The following PRELID2 variants were observed in gnomAD, a reference collection of about 807,000 sequenced individuals.
PRELID2 encodes the protein PRELI domain-containing protein 2.
A neutral mutation model predicts 28.4 loss-of-function variants in PRELID2; 25 were observed. The observed-to-expected ratio is 0.88, with a 90% CI of 0.64 to 1.23. The LOEUF (loss-of-function observed/expected upper bound fraction) is 1.23. Among genes scored for constraint, PRELID2 ranks in the 50% most tolerant of loss-of-function variants. PRELID2 has a pLI of 0.00. For synonymous variants in PRELID2, 76 were observed against 71.6 expected, an observed-to-expected ratio of 1.06 and a Z score of -0.31; for missense variants, 201 against 214.4, an observed-to-expected ratio of 0.94 and a Z score of 0.39.
At chr5:145,675,558 G>A (rs1754797576) in intron 1 of PRELID2, among the ~76,000 whole-genome samples, 1 of 152,148 alleles carries the variant, frequency 6.6e-6, no homozygotes, top group Non-Finnish European at 1.5e-5. Flanking sequence ...AAAGATGTAT[G>A]CAGAAAATTA....
At chr5:145,567,156 A>T (rs1202749349) in intron 1 of PRELID2, among the ~76,000 whole-genome samples, 8 of 152,196 alleles carry the variant, frequency 5.3e-5, no homozygotes, top group Admixed American at 5.2e-4. Flanking sequence ...CATTTCAGAG[A>T]TAAATGCAGG....
intron 1 of PRELID2, among the ~76,000 whole-genome samples, chr5:145,529,751 A>G (rs1050168316): frequency 6.6e-6 from 1 of 151,140 alleles, no homozygotes; most frequent in Admixed American, 6.6e-5. Context: ...GATACAAAAT[A>G]TGTGTCTGCT....
chr5:145,362,246 A>C, the PRELID2 span, among the ~76,000 whole-genome samples: 1 of 152,164 alleles, frequency 6.6e-6, no homozygotes, highest in Non-Finnish European at 1.5e-5. Flanking sequence ...GCCTTTCAAA[A>C]GAAAAATACA....
At chr5:145,649,302 T>G (rs1479232199) in intron 1 of PRELID2, among the ~76,000 whole-genome samples, 1 of 152,136 alleles carries the variant, frequency 6.6e-6, no homozygotes, top group African/African-American at 2.4e-5. Flanking sequence ...AGGGGCGGGA[T>G]CCGGAACCAA....
intron 1 of PRELID2, among the ~76,000 whole-genome samples, chr5:145,649,782 C>A (rs957060032): frequency 1.3e-5 from 2 of 152,198 alleles, no homozygotes; most frequent in African/African-American, 4.8e-5. Flanking sequence ...CAAACTTCTA[C>A]ATCCTGTCTC....
At chr5:145,735,525 T>C (rs143358676) in intron 1 of PRELID2, among the ~76,000 whole-genome samples, 1 of 152,094 alleles carries the variant, frequency 6.6e-6, no homozygotes, top group Non-Finnish European at 1.5e-5. Flanking sequence ...ACTCAAGAAG[T>C]ATACAGATAT....
chr5:145,298,285 G>A, the PRELID2 span, among the ~76,000 whole-genome samples: 110 of 152,178 alleles, frequency 7.2e-4, no homozygotes, highest in African/African-American at 2.6e-3. Context: ...CAGATCAATG[G>A]AACAGAACAG....
At chr5:145,472,390 AAC>A (rs899483496) in intron 2 of PRELID2, among the ~76,000 whole-genome samples, 17 of 152,082 alleles carry the variant, frequency 1.1e-4, no homozygotes, top group African/African-American at 3.6e-4. Context: ...CACAAGAGGA[AAC>A]ACAGCCCCAG....
At chr5:145,450,056 A>T in the PRELID2 span, among the ~76,000 whole-genome samples, 1 of 152,204 alleles carries the variant, frequency 6.6e-6, no homozygotes, top group Admixed American at 6.6e-5. Context: ...TGTCAGAATG[A>T]AGCTGCTGAG....
chr5:145,327,900 A>G, the PRELID2 span, among the ~76,000 whole-genome samples: 5 of 152,102 alleles, frequency 3.3e-5, no homozygotes, highest in African/African-American at 1.2e-4. Context: ...TGTCATCTAC[A>G]TTAGGTATTA....
At chr5:145,680,886 G>T (rs1754919251) in intron 1 of PRELID2, among the ~76,000 whole-genome samples, 2 of 152,168 alleles carry the variant, frequency 1.3e-5, no homozygotes, top group Non-Finnish European at 1.5e-5. Context: ...TGGTTCATGA[G>T]ATGTCATGTT....
the PRELID2 span, among the ~76,000 whole-genome samples, chr5:145,373,784 TATG>T: frequency 5.1e-4 from 40 of 77,862 alleles, 1 homozygote; most frequent in East Asian, 1.5e-3. Context: ...ATATAATATA[TATG>T]ATATAATATA....
intron 1 of PRELID2, among the ~76,000 whole-genome samples, chr5:145,720,027 G>A (rs987648318): frequency 1.3e-5 from 2 of 151,634 alleles, no homozygotes; most frequent in African/African-American, 4.8e-5. Context: ...CATGTGATAA[G>A]AGGAAATGAA....
At chr5:145,374,024 C>A in the PRELID2 span, among the ~76,000 whole-genome samples, 1 of 148,848 alleles carries the variant, frequency 6.7e-6, no homozygotes, top group Non-Finnish European at 1.5e-5. Context: ...ATCCTGTCAC[C>A]ATGATACCAT....
chr5:145,289,823 C>CATT, the PRELID2 span, among the ~76,000 whole-genome samples: 331 of 152,168 alleles, frequency 2.2e-3, 2 homozygotes, highest in African/African-American at 7.7e-3. Context: ...GGCATCTCAT[C>CATT]GTTTTAATTT....
At chr5:145,273,877 G>A in the PRELID2 span, among the ~76,000 whole-genome samples, 1 of 152,048 alleles carries the variant, frequency 6.6e-6, no homozygotes, top group Non-Finnish European at 1.5e-5. Context: ...GTGGCCATAG[G>A]CATAGGCAAT....
intron 3 of PRELID2, chr5:145,819,418 CA>C: frequency 6.3e-7 from 1 of 1,588,054 alleles, no homozygotes; most frequent in Non-Finnish European, 8.6e-7. Flanking sequence ...TTAAGGACTT[CA>C]AAGAGAGAAA....
At chr5:145,316,725 C>T in the PRELID2 span, among the ~76,000 whole-genome samples, 1 of 152,268 alleles carries the variant, frequency 6.6e-6, no homozygotes, top group South Asian at 2.1e-4. Flanking sequence ...GAAAAATATA[C>T]CTAAGAAAAT....
intron 5 of PRELID2, among the ~76,000 whole-genome samples, chr5:145,784,012 T>C (rs1281132163): frequency 1.3e-5 from 2 of 152,130 alleles, no homozygotes; most frequent in Non-Finnish European, 2.9e-5. Context: ...TGGGGCATGG[T>C]GGTTCACACC....
Sources: allele counts gnomAD v4.1 joint callset (sites outside exome capture counted in the v4.1 genomes callset), GRCh38; gene constraint gnomAD v4.1.1; transcripts MANE v1.5; gene names NCBI Gene and HGNC (gene_info 2026-07-23, HGNC 2026-07-21).